FAM111B: variants seen among roughly 807,000 people sequenced by gnomAD.
FAM111B encodes the protein serine protease FAM111B.
FAM111B carries 1 observed loss-of-function variant against 2.8 expected under a neutral mutation model. That is an observed-to-expected ratio of 0.36 (90% confidence interval 0.13 to 1.70). The LOEUF (loss-of-function observed/expected upper bound fraction) is 1.70, where lower values mean the gene tolerates loss of function less well. Among genes scored for constraint, FAM111B ranks in the 40% most tolerant of loss-of-function variants. The probability of loss-of-function intolerance (pLI) is 0.35; values close to 1 mark genes in which losing one functional copy is unlikely to be tolerated. For synonymous variants in FAM111B, 297 were observed against 295.6 expected, an observed-to-expected ratio of 1.00 and a Z score of -0.05; for missense variants, 882 against 878.9, an observed-to-expected ratio of 1.00 and a Z score of -0.04.
chr11:59,112,029 A>G (rs544440830), intron 3 of FAM111B, among the ~76,000 whole-genome samples: 2 of 152,312 alleles, frequency 1.3e-5, no homozygotes, highest in African/African-American at 2.4e-5. Flanking sequence ...TCTTTTTGGT[A>G]TACAGTTGAA....
At position 59,124,750 on chromosome 11, in the gene FAM111B, G is replaced by T. The variant is rs1060428; in HGVS notation, c.653G>T (p.Gly218Val). ...AAACTTTGTATTTATGCCTTGAAGGGTGAGACTATTGAAGGAGCCTTATGC... is the reference window on the plus strand; with the variant it reads ...AAACTTTGTATTTATGCCTTGAAGGTTGAGACTATTGAAGGAGCCTTATGC... ...GSKLCIYALK[G>V]ETIEGALCKD... Residue 218 changes from glycine (G) to valine (V), a missense_variant, in exon 4 of 4, where the codon GGT (glycine) becomes GTT (valine). Coordinates refer to ENST00000343597, the MANE Select transcript of FAM111B (RefSeq NM_198947.4). 4 of 1,613,818 alleles carry T rather than the reference G, an allele frequency of 2.5e-6. No homozygotes were observed. The South Asian group carries it at 4.4e-5, about 18-fold the overall frequency.
rs1427468677 is a variant in FAM111B at position 59,125,486 on chromosome 11, C to T, written c.1389C>T (p.Phe463=). Residue 463 remains phenylalanine (F), a synonymous_variant, in exon 4 of 4, where the codon TTC becomes TTT. Coordinates refer to ENST00000343597, the MANE Select transcript of FAM111B (RefSeq NM_198947.4). ...QLTYYSKSVG[F]MQWDNNGNTG... is the part of the protein sequence containing the mutation. ...CATATTATAGCAAGTCAGTTGGGTT[C>T]ATGCAATGGGACAATAATGGAAACA... The T allele has an allele frequency of 6.2e-7, 1 of 1,613,920 alleles. No homozygotes were observed. Among genetic ancestry groups the T allele is most frequent in the Admixed American group, 1.7e-5 (1 of 60,008 alleles).
rs115653790 is a variant in FAM111B, at chr11:59,121,449, G to T, written c.82-2730G>T. 4.8e-3 allele frequency among the ~76,000 whole-genome samples: 734 copies of T among 152,248 alleles called. 9 individuals carry two copies. The highest frequency in any genetic ancestry group is 0.02 in the Middle Eastern group (6 of 294). ...AACATTAAAATATGGATAACACCAA[G>T]CTTTGATAAAGACATAGAATAATGA... On this transcript the variant is annotated intron_variant, in intron 3 of 3. Transcript: ENST00000343597.
Position 59,109,610 on chromosome 11 carries a change from T to G in FAM111B, c.-16T>G, listed in dbSNP as rs1859726043. 6.4e-7 allele frequency: 1 copy of G among 1,558,974 alleles called. No homozygotes were observed. Among genetic ancestry groups the G allele is most frequent in the African/African-American group, 1.4e-5 (1 of 73,516 alleles). ...ATCGAGTAGTAGAAGTTAGTTACAT[T>G]CTCTTTGAACTCATCATGAATTCCA... is the stretch of plus-strand genomic sequence containing the variant. On this transcript the variant is annotated 5_prime_UTR_variant, in exon 3 of 4. The change creates a new upstream start codon in the 5' untranslated region. Coordinates refer to ENST00000343597, the MANE Select transcript of FAM111B (RefSeq NM_198947.4).
intron 3 of FAM111B, among the ~76,000 whole-genome samples, chr11:59,112,360 A>G (rs191400789): frequency 3.3e-4 from 50 of 152,316 alleles, no homozygotes; most frequent in African/African-American, 9.4e-4. Context: ...ATTGATGAGT[A>G]GCATTCCACT....
chr11:59,125,160 C>G lies in FAM111B; in HGVS notation c.1063C>G (p.Arg355Gly). ...IRNYYFCSLPRKYRQINSQVR... is the reference protein window; with the variant it reads ...IRNYYFCSLPGKYRQINSQVR... ...AAATTATTACTTTTGTAGTTTGCCC[C>G]GAAAATATAGGCAAATAAACTCACA... Residue 355 changes from arginine (R) to glycine (G), a missense_variant, in exon 4 of 4, where the codon CGA (arginine) becomes GGA (glycine). By Grantham distance (125) the Arg-to-Gly change is moderately radical (BLOSUM62 -2). Transcript: ENST00000343597. 1 of 1,613,794 alleles carries G rather than the reference C, an allele frequency of 6.2e-7. No individual in the cohort carries two copies. The highest frequency in any genetic ancestry group is 8.5e-7 in the Non-Finnish European group (1 of 1,179,822).
rs1395132702 is a variant in FAM111B at position 59,125,827 on chromosome 11, T to G, written c.1730T>G (p.Ile577Ser). ...CCATCTACTGGTTTGATTTATTTAA[T>G]TGGTCATCCTGAAGGCCAGATCAAG... ...PQPSTGLIYL[I>S]GHPEGQIKKI... is the part of the protein sequence containing the mutation. Residue 577 changes from isoleucine (I) to serine (S), a missense_variant, in exon 4 of 4, where the codon ATT becomes AGT. Transcript: ENST00000343597. 6.2e-7 allele frequency: 1 copy of G among 1,613,808 alleles called. No homozygotes were observed.
rs1207358506 is a variant in FAM111B at position 59,126,724 on chromosome 11, T to A, written c.*422T>A. The A allele has an allele frequency of 1.3e-5, 2 of 159,932 alleles. No individual in the cohort carries two copies. The highest frequency in any genetic ancestry group is 4.8e-5 in the African/African-American group (2 of 41,516). The allele number at this position is 159,932 out of a possible 1,614,324, so 9.9% of individuals were successfully genotyped here. ...TCACACTAATCAGAATGGCTGTTAT[T>A]AAAATGCCAAAAAATTACAGATGCT... On this transcript the variant is annotated 3_prime_UTR_variant, in exon 4 of 4. Transcript: ENST00000343597.
rs746908326 is a variant in FAM111B, at chr11:59,109,657, C to T, written c.32C>T (p.Ser11Leu). ...TCCATGAAGACTGAAGAAAACAAGT[C>T]ATTTAGCGCTATGGAAGATGACCAG... is the stretch of plus-strand genomic sequence containing the variant. MNSMKTEENKSFSAMEDDQRT... is the reference protein window; with the variant it reads MNSMKTEENKLFSAMEDDQRT... The change falls in exon 3 of 4, where the codon TCA becomes TTA. Residue 11 changes from serine (S) to leucine (L), a missense_variant. By Grantham distance (145) the Ser-to-Leu change is moderately radical. Transcript: ENST00000343597. The T allele has an allele frequency of 6.2e-7, 1 of 1,611,722 alleles. No homozygotes were observed. Among genetic ancestry groups the T allele is most frequent in the Non-Finnish European group, 8.5e-7 (1 of 1,178,850 alleles).
At position 59,127,395 on chromosome 11, in the gene FAM111B, A is replaced by C. The variant is rs1860056690; in HGVS notation, c.*1093A>C. Reference sequence around the variant, plus strand: ...ACTCTTAAACCTAAATAAAAGTTTAAAATATATATAATGCCAATAATTTAG... The same window carrying C: ...ACTCTTAAACCTAAATAAAAGTTTACAATATATATAATGCCAATAATTTAG... On this transcript the variant is annotated 3_prime_UTR_variant, in exon 4 of 4. Transcript: ENST00000343597. 1 of 149,174 alleles carries C rather than the reference A, an allele frequency of 6.7e-6. No homozygotes were observed. Among genetic ancestry groups the C allele is most frequent in the Non-Finnish European group, 1.5e-5 (1 of 65,830 alleles). 9.2% of individuals were successfully genotyped at this position (149,174 alleles called of 1,614,324 possible).
rs763484679 is a variant in FAM111B at position 59,109,622 on chromosome 11, CA to C, written c.-3del. On this transcript the variant is annotated 5_prime_UTR_variant, in exon 3 of 4. Transcript: ENST00000343597. Reference sequence around the variant, plus strand: ...AAGTTAGTTACATTCTCTTTGAACTCATCATGAATTCCATGAAGACTGAAGA... The same window carrying C: ...AAGTTAGTTACATTCTCTTTGAACTCTCATGAATTCCATGAAGACTGAAGA... The C allele has an allele frequency of 6.3e-7, 1 of 1,599,676 alleles. No homozygotes were observed.
chr11:59,117,867 C>T (rs1859861900), intron 3 of FAM111B, among the ~76,000 whole-genome samples: 1 of 152,164 alleles, frequency 6.6e-6, no homozygotes. Flanking sequence ...TTAGTAAAAA[C>T]ATACAAACAA....
chr11:59,110,366 T>C (rs1250216338), intron 3 of FAM111B, among the ~76,000 whole-genome samples: 1 of 152,110 alleles, frequency 6.6e-6, no homozygotes, highest in Non-Finnish European at 1.5e-5. Context: ...GTCAAACTCA[T>C]AGGTGTCGAA....
chr11:59,109,798 C>T (rs1428283185), intron 3 of FAM111B, 92 bp downstream of exon 3: 4 of 746,560 alleles, frequency 5.4e-6, no homozygotes, highest in Non-Finnish European at 8.5e-6. Context: ...AAACAATGGT[C>T]GTTATAAGCC....
At chr11:59,122,175 G>T (rs1470702618) in intron 3 of FAM111B, among the ~76,000 whole-genome samples, 1 of 152,092 alleles carries the variant, frequency 6.6e-6, no homozygotes, top group African/African-American at 2.4e-5. Flanking sequence ...AAATAAATAA[G>T]TAGTGCAAAT....
intron 3 of FAM111B, 117 bp downstream of exon 3, chr11:59,109,823 T>C: frequency 1.8e-6 from 1 of 567,182 alleles, no homozygotes; most frequent in Non-Finnish European, 2.9e-6. Context: ...TCTTAGGTAG[T>C]TTAAAATATA....
Position 59,107,498 on chromosome 11 carries a change from T to C in FAM111B, c.-132+202T>C, listed in dbSNP as rs74440506. On this transcript the variant is annotated intron_variant, in intron 1 of 3. Coordinates refer to ENST00000343597, the MANE Select transcript of FAM111B (RefSeq NM_198947.4). ...CCTGAAGAGATACTTAGAGATCATC[T>C]GGGTGTTCCTGAATCTCGAGAGGGT... Among the ~76,000 whole-genome samples the C allele has an allele frequency of 2.8e-4, 43 of 152,180 alleles. 1 individual carries two copies. The highest frequency in any genetic ancestry group is 7.9e-4 in the Admixed American group (12 of 15,286).
chr11:59,118,785 TTCTC>T (rs139466956), intron 3 of FAM111B, among the ~76,000 whole-genome samples: 68,198 of 151,612 alleles, frequency 0.45, 15,586 homozygotes, highest in Admixed American at 0.53. Flanking sequence ...ACCAAATACT[TTCTC>T]TATGTCTGTT....
chr11:59,125,920 A>T lies in FAM111B; in HGVS notation c.1823A>T (p.Asp608Val), dbSNP rs1860022344. ...RLKKYPNDCQ[D>V]GLVDLYDTTS... is the part of the protein sequence containing the mutation. ...AAAAAATATCCAAACGATTGTCAAG[A>T]TGGGTTGGTAGATCTCTATGATACC... is the stretch of plus-strand genomic sequence containing the variant. Residue 608 changes from aspartate (D) to valine (V), a missense_variant, in exon 4 of 4, where the codon GAT (aspartate) becomes GTT (valine). Transcript: ENST00000343597. The T allele has an allele frequency of 6.2e-7, 1 of 1,613,746 alleles. No individual in the cohort carries two copies. The highest frequency in any genetic ancestry group is 1.1e-5 in the South Asian group (1 of 91,072).
Sources: allele counts gnomAD v4.1 joint callset (sites outside exome capture counted in the v4.1 genomes callset), GRCh38; gene constraint gnomAD v4.1.1; transcripts MANE v1.5; gene names NCBI Gene and HGNC (gene_info 2026-07-23, HGNC 2026-07-21).